Variants in FRMD4A observed in about 807,000 individuals in gnomAD.
The protein encoded by FRMD4A is FERM domain-containing protein 4A.
Under a neutral mutation model 129.1 loss-of-function variants are expected in FRMD4A, and 29 were observed. The ratio of observed to expected loss-of-function variants is 0.22; its 90% CI spans 0.17 to 0.31. FRMD4A has a LOEUF of 0.31. FRMD4A is among the 10% of genes least tolerant of loss of function. FRMD4A has a pLI of 1.00. For missense variants in FRMD4A, 1,272 were observed against 1,375.8 expected (o/e 0.92, Z 1.19); for synonymous variants, 634 against 571.6 (o/e 1.11, Z -1.56).
At chr10:14,044,579 C>T (rs1437050145) in intron 2 of FRMD4A, among the ~76,000 whole-genome samples, 1 of 152,188 alleles carries the variant, frequency 6.6e-6, no homozygotes, top group Non-Finnish European at 1.5e-5. Flanking sequence ...TCTAGAAGCC[C>T]AGGAATGCCA....
At chr10:13,971,534 T>A in intron 2 of FRMD4A, 1 of 505,164 alleles carries the variant, frequency 2.0e-6, no homozygotes, top group South Asian at 1.8e-5. Context: ...AACTGCTCCC[T>A]GTTAAATGTA....
intron 2 of FRMD4A, among the ~76,000 whole-genome samples, chr10:14,315,791 A>G (rs1411734397): frequency 6.6e-6 from 1 of 152,160 alleles, no homozygotes; most frequent in Non-Finnish European, 1.5e-5. Flanking sequence ...CCCTTATTGC[A>G]TCACCTGGTC....
chr10:14,087,069 C>A (rs937713555), intron 2 of FRMD4A, among the ~76,000 whole-genome samples: 2 of 151,890 alleles, frequency 1.3e-5, no homozygotes, highest in African/African-American at 2.4e-5. Context: ...CTGGAAACTG[C>A]CAGGGCAAAT....
At chr10:13,872,444 G>A (rs1432486244) in intron 2 of FRMD4A, among the ~76,000 whole-genome samples, 2 of 152,250 alleles carry the variant, frequency 1.3e-5, no homozygotes, top group Admixed American at 6.5e-5. Context: ...CACTCATTAC[G>A]TTGAGAGCAG....
chr10:14,098,654 C>T (rs1564289335), intron 2 of FRMD4A, among the ~76,000 whole-genome samples: 1 of 152,058 alleles, frequency 6.6e-6, no homozygotes, highest in Non-Finnish European at 1.5e-5. Flanking sequence ...GTGATCCGCC[C>T]GCCTCGACCT....
chr10:13,805,427 T>C (rs1198512684), intron 4 of FRMD4A, among the ~76,000 whole-genome samples: 1 of 64,776 alleles, frequency 1.5e-5, no homozygotes, highest in Non-Finnish European at 4.6e-5. Flanking sequence ...TTTAAAAGGC[T>C]TTTTTTTTCT....
chr10:14,193,142 G>C (rs1435329465), intron 2 of FRMD4A, among the ~76,000 whole-genome samples: 1 of 152,184 alleles, frequency 6.6e-6, no homozygotes, highest in Non-Finnish European at 1.5e-5. Flanking sequence ...ATCTTGGGAA[G>C]AACACAGTCT....
intron 3 of FRMD4A, 106 bp from the exon 4 acceptor site, chr10:13,811,014 T>C (rs2093434967): frequency 3.3e-6 from 2 of 612,600 alleles, no homozygotes; most frequent in Admixed American, 2.9e-5. Flanking sequence ...GTCACAAAGC[T>C]CAAGTATTTT....
At chr10:14,273,958 G>A (rs1231688725) in intron 2 of FRMD4A, among the ~76,000 whole-genome samples, 1 of 152,228 alleles carries the variant, frequency 6.6e-6, no homozygotes, top group Non-Finnish European at 1.5e-5. Flanking sequence ...GACCTGTGAA[G>A]GGTGGAGACT....
intron 2 of FRMD4A, among the ~76,000 whole-genome samples, chr10:13,888,338 T>C (rs2094650623): frequency 6.6e-6 from 1 of 152,200 alleles, no homozygotes; most frequent in Admixed American, 6.5e-5. Flanking sequence ...TTTTCTTCCT[T>C]TTCTTACATC....
At chr10:13,862,434 G>C (rs915030576) in intron 2 of FRMD4A, among the ~76,000 whole-genome samples, 1 of 152,090 alleles carries the variant, frequency 6.6e-6, no homozygotes, top group African/African-American at 2.4e-5. Context: ...ATTTTCATCT[G>C]AAAAAAATAA....
intron 2 of FRMD4A, among the ~76,000 whole-genome samples, chr10:14,226,553 T>C (rs1843442891): frequency 6.6e-6 from 1 of 152,158 alleles, no homozygotes; most frequent in African/African-American, 2.4e-5. Context: ...AAGGATCCCT[T>C]ATAGGCCTCT....
intron 2 of FRMD4A, among the ~76,000 whole-genome samples, chr10:14,085,187 G>A (rs1213660848): frequency 1.3e-5 from 2 of 152,162 alleles, no homozygotes; most frequent in African/African-American, 2.4e-5. Context: ...TTGTGCCATC[G>A]TAGACGCATG....
chr10:14,134,413 A>T (rs1175487054), intron 2 of FRMD4A, among the ~76,000 whole-genome samples: 1 of 145,342 alleles, frequency 6.9e-6, no homozygotes, highest in Non-Finnish European at 1.5e-5. Flanking sequence ...GGATGGATGG[A>T]TGGGGGATAG....
At position 13,956,995 on chromosome 10, in the gene FRMD4A, G is replaced by T. The variant is rs553792877; in HGVS notation, c.46-98083C>A. On this transcript the variant is annotated intron_variant, in intron 2 of 24. Transcript: ENST00000357447. The stretch of plus-strand genomic sequence containing the variant: ...GGCACTTTCTCAAGGCCTGAGAACT[G>T]GGTGTCTGCTTGTCCAGAACATTCT... Among the ~76,000 whole-genome samples, 6 of 152,278 alleles carry T rather than the reference G, an allele frequency of 3.9e-5. No individual in the cohort carries two copies. The South Asian group carries it at 1.2e-3, about 32-fold the overall frequency.
chr10:13,954,561 G>A (rs1027687778), intron 2 of FRMD4A, among the ~76,000 whole-genome samples: 1 of 152,162 alleles, frequency 6.6e-6, no homozygotes, highest in African/African-American at 2.4e-5. Flanking sequence ...TGGGGACACA[G>A]CCAAATCCAA....
intron 2 of FRMD4A, among the ~76,000 whole-genome samples, chr10:14,174,069 T>A (rs1357169097): frequency 6.6e-6 from 1 of 152,084 alleles, no homozygotes; most frequent in Admixed American, 6.5e-5. Flanking sequence ...CATGCCAGTT[T>A]CTGTCTCCTG....
At chr10:13,859,332 C>T (rs935774384) in intron 2 of FRMD4A, among the ~76,000 whole-genome samples, 29 of 151,986 alleles carry the variant, frequency 1.9e-4, no homozygotes, top group Non-Finnish European at 2.2e-4. Flanking sequence ...TGCAGTGAGC[C>T]GAGATCGCGC....
At chr10:14,133,223 T>A (rs1839359097) in intron 2 of FRMD4A, among the ~76,000 whole-genome samples, 1 of 152,164 alleles carries the variant, frequency 6.6e-6, no homozygotes, top group African/African-American at 2.4e-5. Flanking sequence ...GCTATTTGGG[T>A]CGTGAGGCCT....
Sources: gnomAD v4.1 joint callset for allele counts (sites outside exome capture counted in the v4.1 genomes callset) on GRCh38, gnomAD v4.1.1 for gene constraint, MANE v1.5 for transcripts, NCBI Gene and HGNC (gene_info 2026-07-23, HGNC 2026-07-21) for gene names.